EIPR1: variants seen among roughly 807,000 people sequenced by gnomAD.
EIPR1 encodes the protein EARP and GARP complex-interacting protein 1.
In EIPR1, 25 loss-of-function variants were observed where a neutral mutation model predicts 48.1. That is an observed-to-expected ratio of 0.52 (90% CI 0.38 to 0.73). The LOEUF (loss-of-function observed/expected upper bound fraction) is 0.73. EIPR1 is among the 30% of genes least tolerant of loss of function. EIPR1 has a pLI of 0.00. For missense variants in EIPR1, 415 were observed against 506.2 expected, an observed-to-expected ratio of 0.82 and a Z score of 1.73; for synonymous variants, 204 against 201.9, an observed-to-expected ratio of 1.01 and a Z score of -0.09.
chr2:3,201,789 A>G (rs1665044243), intron 5 of EIPR1, among the ~76,000 whole-genome samples: 1 of 152,250 alleles, frequency 6.6e-6, no homozygotes, highest in African/African-American at 2.4e-5. Flanking sequence ...CCTAAAGAGA[A>G]GAATTGGTAG....
intron 1 of EIPR1, among the ~76,000 whole-genome samples, chr2:3,363,569 G>A (rs577899645): frequency 1.7e-4 from 26 of 152,210 alleles, no homozygotes; most frequent in East Asian, 5.8e-4. Context: ...GGAGGTGTGC[G>A]CCTGTAGTCC....
intron 3 of EIPR1, among the ~76,000 whole-genome samples, chr2:3,269,552 T>G (rs1456360824): frequency 7.8e-6 from 1 of 127,496 alleles, no homozygotes; most frequent in African/African-American, 3.2e-5. Context: ...CACTCAGTCA[T>G]CGCACTCAGT....
At chr2:3,220,522 C>T (rs1252789402) in intron 4 of EIPR1, among the ~76,000 whole-genome samples, 1 of 151,642 alleles carries the variant, frequency 6.6e-6, no homozygotes, top group African/African-American at 2.4e-5. Context: ...GAGTCAGGTG[C>T]ACACACACAC....
intron 3 of EIPR1, among the ~76,000 whole-genome samples, chr2:3,266,405 G>A (rs1217097975): frequency 1.3e-5 from 2 of 152,244 alleles, no homozygotes; most frequent in East Asian, 3.8e-4. Flanking sequence ...TGCACAACAG[G>A]ATGTCTGAAG....
chr2:3,351,450 G>A (rs1322713658), intron 2 of EIPR1, among the ~76,000 whole-genome samples: 1 of 152,170 alleles, frequency 6.6e-6, no homozygotes, highest in East Asian at 1.9e-4. Flanking sequence ...GCCCCATTTT[G>A]TGTTGAATTC....
intron 1 of EIPR1, among the ~76,000 whole-genome samples, chr2:3,360,233 A>T (rs755923576): frequency 6.6e-6 from 1 of 152,040 alleles, no homozygotes; most frequent in Non-Finnish European, 1.5e-5. Context: ...GTGAAAACCC[A>T]TCTCTACTAA....
intron 3 of EIPR1, among the ~76,000 whole-genome samples, chr2:3,280,666 C>T (rs1246831260): frequency 6.6e-6 from 1 of 152,180 alleles, no homozygotes; most frequent in Non-Finnish European, 1.5e-5. Flanking sequence ...CTGTTTTGTT[C>T]AGGGGAAGCT....
chr2:3,367,880 C>T (rs1417576470), intron 1 of EIPR1, among the ~76,000 whole-genome samples: 1 of 151,648 alleles, frequency 6.6e-6, no homozygotes, highest in Non-Finnish European at 1.5e-5. Context: ...AACCCCCTCT[C>T]TAAAAATACA....
chr2:3,341,001 G>A (rs1670221914), intron 2 of EIPR1, among the ~76,000 whole-genome samples: 1 of 148,886 alleles, frequency 6.7e-6, no homozygotes, highest in Non-Finnish European at 1.5e-5. Context: ...GGGGACTGAG[G>A]CAGGAGAATC....
In EIPR1 at chr2:3,222,506, A is replaced by G. The variant is rs1208654502; in HGVS notation, c.417-8258T>C. Among the ~76,000 whole-genome samples, 3 of 137,564 alleles carry G rather than the reference A, an allele frequency of 2.2e-5. No homozygotes were observed. In the East Asian group the frequency reaches 6.6e-4, roughly 30 times the overall value. 90.2% of individuals were successfully genotyped at this position (137,564 alleles called of 152,430 possible). On this transcript the variant is annotated intron_variant, in intron 4 of 8. Transcript: ENST00000382125. ...CAAAAAAAGGCTTAAAGACTACAGG[A>G]GGTAATATTGATTTGCTTTAGAAAA... is the stretch of plus-strand genomic sequence containing the variant.
At chr2:3,214,122 A>G in intron 5 of EIPR1, 27 bp downstream of exon 5, 3 of 1,601,332 alleles carry the variant, frequency 1.9e-6, no homozygotes, top group Admixed American at 1.7e-5. Flanking sequence ...ATACAGAAAC[A>G]AACGCTGTGT....
At chr2:3,350,131 A>C (rs937209713) in intron 2 of EIPR1, among the ~76,000 whole-genome samples, 3 of 151,102 alleles carry the variant, frequency 2.0e-5, no homozygotes, top group Non-Finnish European at 4.4e-5. Context: ...AAAAAAAAAA[A>C]AAAAAAAAAA....
At chr2:3,305,369 A>ATCAGTTCAGCCCTCCACTCCCG (rs1455379950) in intron 3 of EIPR1, among the ~76,000 whole-genome samples, 8 of 111,246 alleles carry the variant, frequency 7.2e-5, no homozygotes, top group Non-Finnish European at 3.6e-5. Flanking sequence ...CTCCAGTCCC[A>ATCAGTTCAGCCCTCCACTCCCG]TCAGTTCAGC....
intron 3 of EIPR1, among the ~76,000 whole-genome samples, chr2:3,310,389 C>G (rs1558289605): frequency 6.6e-6 from 1 of 151,696 alleles, no homozygotes; most frequent in Non-Finnish European, 1.5e-5. Context: ...CGCGGTGGCT[C>G]ACGCCTGTAA....
rs116007165 is a variant in EIPR1, at chr2:3,322,905, C to T, written c.259+15112G>A. ...TCAGCACCGTCCCTCCCGCAGCTGC[C>T]GAAGCGAGTGGGTGATCTGGCTGGG... is the stretch of plus-strand genomic sequence containing the variant. On this transcript the variant is annotated intron_variant, in intron 3 of 8. Coordinates refer to ENST00000382125, the MANE Select transcript of EIPR1 (RefSeq NM_003310.5). Among the ~76,000 whole-genome samples the T allele has an allele frequency of 7.0e-3, 1,062 of 152,268 alleles. 13 individuals carry two copies. The highest frequency in any genetic ancestry group is 0.025 in the African/African-American group (1,022 of 41,526).
intron 3 of EIPR1, among the ~76,000 whole-genome samples, chr2:3,326,291 T>G (rs1669696300): frequency 1.3e-5 from 2 of 152,152 alleles, no homozygotes; most frequent in Admixed American, 1.3e-4. Context: ...ATTTTACAGA[T>G]GAACGCTCCA....
In EIPR1 at chr2:3,286,620, C is replaced by T. The variant is rs1225842939; in HGVS notation, c.260-29165G>A. On this transcript the variant is annotated intron_variant, in intron 3 of 8. Transcript: ENST00000382125. This position sits in a 1 kb window ranked among gnomAD's most constrained non-coding sequence, Gnocchi z 4.2. Reference sequence around the variant, plus strand: ...TCATATGCAGTGTGCTCCAGGGGAGCAGGGGATCTCACAGTCCAGAGTGCC... The same window carrying T: ...TCATATGCAGTGTGCTCCAGGGGAGTAGGGGATCTCACAGTCCAGAGTGCC... 2.0e-5 allele frequency among the ~76,000 whole-genome samples: 3 copies of T among 152,228 alleles called. No homozygotes were observed. Among genetic ancestry groups the T allele is most frequent in the African/African-American group, 7.2e-5 (3 of 41,470 alleles).
intron 8 of EIPR1, among the ~76,000 whole-genome samples, chr2:3,190,126 C>T (rs968785795): frequency 4.6e-5 from 7 of 152,120 alleles, no homozygotes; most frequent in African/African-American, 1.2e-4. Context: ...ACCTCGCCTC[C>T]CTTGACTGTG....
intron 1 of EIPR1, among the ~76,000 whole-genome samples, chr2:3,357,313 C>T (rs962888780): frequency 2.0e-5 from 3 of 152,244 alleles, no homozygotes; most frequent in Non-Finnish European, 4.4e-5. Context: ...AACCTGGACA[C>T]CCTCCACCAG....
Sources: allele counts gnomAD v4.1 joint callset (sites outside exome capture counted in the v4.1 genomes callset), GRCh38; gene constraint gnomAD v4.1.1; non-coding constraint Gnocchi (gnomAD v3.1); transcripts MANE v1.5; gene names NCBI Gene and HGNC (gene_info 2026-07-23, HGNC 2026-07-21).